DLG2: variants seen among roughly 807,000 people sequenced by gnomAD.
DLG2 encodes the protein disks large homolog 2.
A neutral mutation model predicts 132.5 loss-of-function variants in DLG2; 45 were observed. That is an observed-to-expected ratio of 0.34 (90% CI 0.27 to 0.44). The LOEUF is 0.44. Among genes scored for constraint, DLG2 ranks in the 20% least tolerant of loss-of-function variants. The probability of loss-of-function intolerance (pLI) is 1.00; values close to 1 mark genes in which losing one functional copy is unlikely to be tolerated. For missense variants in DLG2, 1,045 were observed against 1,196.9 expected, an observed-to-expected ratio of 0.87 and a Z score of 1.87; for synonymous variants, 424 against 419.6, an observed-to-expected ratio of 1.01 and a Z score of -0.13.
chr11:84,168,181 G>A (rs1475368809), intron 8 of DLG2, among the ~76,000 whole-genome samples: 6 of 152,080 alleles, frequency 3.9e-5, no homozygotes, highest in African/African-American at 7.2e-5. Flanking sequence ...AAGAGGCACC[G>A]AAACACAAAT....
upstream of DLG2, among the ~76,000 whole-genome samples, chr11:85,628,084 A>G (rs1478080933): frequency 6.6e-6 from 1 of 152,042 alleles, no homozygotes; most frequent in African/African-American, 2.4e-5. Context: ...TGGGGAGAGG[A>G]GTCAGACGGC....
At chr11:84,859,771 T>C (rs1178775407) in intron 6 of DLG2, among the ~76,000 whole-genome samples, 1 of 151,854 alleles carries the variant, frequency 6.6e-6, no homozygotes, top group South Asian at 2.1e-4. Context: ...CCATATAATT[T>C]AACATCCACT....
intron 3 of DLG2, among the ~76,000 whole-genome samples, chr11:85,362,043 C>CA: frequency 6.6e-6 from 1 of 152,258 alleles, no homozygotes; most frequent in Non-Finnish European, 1.5e-5. Context: ...AATCATGGCT[C>CA]ACTGCAGCCT....
chr11:83,820,290 A>G (rs2050400584), intron 17 of DLG2, among the ~76,000 whole-genome samples: 1 of 152,178 alleles, frequency 6.6e-6, no homozygotes, highest in Non-Finnish European at 1.5e-5. Flanking sequence ...TCCATCTAAC[A>G]TTATCACTTT....
intron 6 of DLG2, among the ~76,000 whole-genome samples, chr11:84,789,179 T>G (rs1024667804): frequency 6.6e-6 from 1 of 152,200 alleles, no homozygotes; most frequent in African/African-American, 2.4e-5. Flanking sequence ...TTGGATAGCA[T>G]GTTCTGCCAC....
At chr11:83,635,974 C>A (rs919769014) in intron 18 of DLG2, among the ~76,000 whole-genome samples, 8 of 152,152 alleles carry the variant, frequency 5.3e-5, no homozygotes, top group African/African-American at 1.9e-4. Context: ...GAACACAGAT[C>A]AAGAACTCTT....
intron 20 of DLG2, among the ~76,000 whole-genome samples, chr11:83,534,008 A>G (rs2095823467): frequency 6.6e-6 from 1 of 152,214 alleles, no homozygotes; most frequent in African/African-American, 2.4e-5. Context: ...GGGGTGGAGA[A>G]GAGGGAAAGG....
intron 6 of DLG2, among the ~76,000 whole-genome samples, chr11:84,540,112 A>T (rs995492772): frequency 6.6e-6 from 1 of 152,158 alleles, no homozygotes; most frequent in Non-Finnish European, 1.5e-5. Context: ...AGGCAATACC[A>T]CTCAGGACAT....
At chr11:85,036,909 G>T (rs2061480706) in intron 6 of DLG2, among the ~76,000 whole-genome samples, 1 of 152,032 alleles carries the variant, frequency 6.6e-6, no homozygotes, top group Non-Finnish European at 1.5e-5. Context: ...CATAGCTTGA[G>T]AGAAAGACTG....
chr11:83,992,884 G>A (rs2093802387), intron 11 of DLG2, among the ~76,000 whole-genome samples: 1 of 152,044 alleles, frequency 6.6e-6, no homozygotes, highest in Non-Finnish European at 1.5e-5. Flanking sequence ...GAGGGAAGTA[G>A]TGAGGTCAGA....
At chr11:84,426,724 C>G (rs753179107) in intron 7 of DLG2, among the ~76,000 whole-genome samples, 3 of 152,038 alleles carry the variant, frequency 2.0e-5, no homozygotes, top group Admixed American at 2.0e-4. Context: ...AAGCAACAAA[C>G]GTCAAGTGAT....
chr11:83,941,689 C>T (rs563361405), intron 14 of DLG2, among the ~76,000 whole-genome samples: 4 of 152,256 alleles, frequency 2.6e-5, no homozygotes, highest in East Asian at 1.9e-4. Flanking sequence ...CCACCACACC[C>T]GGTCTGCTAC....
intron 21 of DLG2, among the ~76,000 whole-genome samples, chr11:83,490,977 A>G (rs2093807939): frequency 1.3e-5 from 2 of 151,990 alleles, no homozygotes; most frequent in Non-Finnish European, 2.9e-5. Flanking sequence ...AACAGGTAAA[A>G]TATATTCATA....
At chr11:85,319,318 G>A (rs1249254417) in intron 3 of DLG2, among the ~76,000 whole-genome samples, 1 of 151,728 alleles carries the variant, frequency 6.6e-6, no homozygotes, top group African/African-American at 2.4e-5. Flanking sequence ...TCATCTAAAA[G>A]TGTAAATATT....
In DLG2 at chr11:83,776,720, C is replaced by T. The variant is rs529326057; in HGVS notation, c.1825+9970G>A. Among the ~76,000 whole-genome samples the T allele has an allele frequency of 4.6e-5, 7 of 152,320 alleles. No homozygotes were observed. The South Asian group carries it at 1.2e-3, about 27-fold the overall frequency. On this transcript the variant is annotated intron_variant, in intron 18 of 27. Coordinates refer to ENST00000376104, the MANE Select transcript of DLG2 (RefSeq NM_001142699.3). ...CAGTCCCTCCACTGCACCATCCTCTCTCCTTCAGATACACTTCAGATATCT... is the reference window on the plus strand; with the variant it reads ...CAGTCCCTCCACTGCACCATCCTCTTTCCTTCAGATACACTTCAGATATCT...
At chr11:85,117,049 G>T (rs999447474) in intron 5 of DLG2, among the ~76,000 whole-genome samples, 6 of 151,994 alleles carry the variant, frequency 3.9e-5, no homozygotes, top group Admixed American at 6.6e-5. Context: ...GTGGCAAATT[G>T]GTTCTTAAGT....
chr11:85,299,683 A>G (rs2079463943), intron 3 of DLG2, among the ~76,000 whole-genome samples: 1 of 152,156 alleles, frequency 6.6e-6, no homozygotes, highest in Non-Finnish European at 1.5e-5. Flanking sequence ...TGTGCACCAA[A>G]ATCACCCAAA....
intron 6 of DLG2, among the ~76,000 whole-genome samples, chr11:84,659,457 T>G (rs1024816999): frequency 6.6e-6 from 1 of 152,174 alleles, no homozygotes; most frequent in Non-Finnish European, 1.5e-5. Flanking sequence ...AATCTCTTGA[T>G]GTTTTCCAGA....
intron 6 of DLG2, among the ~76,000 whole-genome samples, chr11:84,973,106 T>C (rs950594779): frequency 7.9e-5 from 12 of 151,930 alleles, no homozygotes; most frequent in African/African-American, 2.4e-4. Flanking sequence ...TACAGGTGCA[T>C]CCCACCACAC....
Sources: allele counts gnomAD v4.1 joint callset (sites outside exome capture counted in the v4.1 genomes callset), GRCh38; gene constraint gnomAD v4.1.1; transcripts MANE v1.5; gene names NCBI Gene and HGNC (gene_info 2026-07-23, HGNC 2026-07-21).